The following GRID1 variants were observed in gnomAD, a reference collection of about 807,000 sequenced individuals.
GRID1 encodes glutamate receptor ionotropic, delta-1.
A neutral mutation model predicts 98.0 loss-of-function variants in GRID1; 28 were observed. The observed-to-expected ratio is 0.29, with a 90% CI of 0.21 to 0.39. The LOEUF (loss-of-function observed/expected upper bound fraction) is 0.39. GRID1 is among the 10% of genes least tolerant of loss of function. The pLI, the probability that GRID1 is intolerant of heterozygous loss-of-function variation, is 1.00. For synonymous variants in GRID1, 553 were observed against 538.5 expected (o/e 1.03, Z -0.37); for missense variants, 1,111 against 1,340.5 (o/e 0.83, Z 2.67).
chr10:86,070,730 G>T (rs1179476848), intron 4 of GRID1, among the ~76,000 whole-genome samples: 2 of 152,208 alleles, frequency 1.3e-5, no homozygotes, highest in African/African-American at 4.8e-5. Flanking sequence ...ACTCATCTGT[G>T]TGTTAAGTAG....
intron 4 of GRID1, among the ~76,000 whole-genome samples, chr10:86,017,273 A>G (rs539586488): frequency 9.2e-5 from 14 of 152,344 alleles, no homozygotes; most frequent in African/African-American, 3.4e-4. Context: ...ATCAAGAGAC[A>G]TGTATAACCT....
rs185629524 is a variant in GRID1 at position 86,240,687 on chromosome 10, C to T, written c.236-34039G>A. Among the ~76,000 whole-genome samples the T allele has an allele frequency of 3.9e-5, 6 of 152,268 alleles. No homozygotes were observed. The East Asian group carries it at 5.8e-4, about 15-fold the overall frequency. ...AACTGCTCCCCTATGGAATGTGCTG[C>T]CCAGATAAGGAGTCCAAGCAGCAGC... On this transcript the variant is annotated intron_variant, in intron 2 of 15. Coordinates refer to ENST00000327946, the MANE Select transcript of GRID1 (RefSeq NM_017551.3).
chr10:85,667,527 G>A (rs1841035459), intron 12 of GRID1, among the ~76,000 whole-genome samples: 2 of 152,196 alleles, frequency 1.3e-5, no homozygotes, highest in South Asian at 4.1e-4. Flanking sequence ...TACAGAGGAG[G>A]AATCTGGAGC....
At chr10:86,098,478 T>C (rs185947473) in intron 4 of GRID1, among the ~76,000 whole-genome samples, 3 of 152,328 alleles carry the variant, frequency 2.0e-5, no homozygotes, top group East Asian at 3.9e-4. Flanking sequence ...TTATCACCCA[T>C]TTTTTATTCA....
intron 8 of GRID1, among the ~76,000 whole-genome samples, chr10:85,812,443 T>A (rs1056396522): frequency 6.6e-6 from 1 of 152,114 alleles, no homozygotes; most frequent in Non-Finnish European, 1.5e-5. Context: ...AAAGGTGACA[T>A]ATATGTTGTG....
chr10:85,747,446 C>T (rs992864718), intron 8 of GRID1, among the ~76,000 whole-genome samples: 2 of 152,112 alleles, frequency 1.3e-5, no homozygotes, highest in South Asian at 2.1e-4. Flanking sequence ...TTCCATTCCC[C>T]TTACATCTTA....
rs955221994 is a variant in GRID1, at chr10:86,042,931, A to G, written c.726+95888T>C. On this transcript the variant is annotated intron_variant, in intron 4 of 15. Coordinates refer to ENST00000327946, the MANE Select transcript of GRID1 (RefSeq NM_017551.3). ...TAAGACCCCATCTCTACAAAAAAGT[A>G]AAAATTAGCTGGGCATGGTGGTGTG... 3.9e-5 allele frequency among the ~76,000 whole-genome samples: 6 copies of G among 152,072 alleles called. No homozygotes were observed. The East Asian group carries it at 1.2e-3, about 29-fold the overall frequency.
chr10:86,308,250 G>A (rs1208935686), intron 2 of GRID1, among the ~76,000 whole-genome samples: 4 of 152,206 alleles, frequency 2.6e-5, no homozygotes, highest in Non-Finnish European at 5.9e-5. Flanking sequence ...TGCAAACTGA[G>A]CCCACCTCTG....
At chr10:85,744,468 G>C (rs1456985541) in intron 8 of GRID1, among the ~76,000 whole-genome samples, 2 of 150,452 alleles carry the variant, frequency 1.3e-5, no homozygotes. Context: ...CAAGCAATGG[G>C]GAAAGGATTC....
chr10:86,318,557 G>A (rs1564737498), intron 2 of GRID1, among the ~76,000 whole-genome samples: 2 of 152,206 alleles, frequency 1.3e-5, no homozygotes. Context: ...GGATGCCCCA[G>A]GGCCTGAGGA....
chr10:86,317,213 C>T (rs1847912110), intron 2 of GRID1, among the ~76,000 whole-genome samples: 1 of 152,162 alleles, frequency 6.6e-6, no homozygotes, highest in Non-Finnish European at 1.5e-5. Flanking sequence ...CCCCTTTGTC[C>T]TGACCTCCTC....
At chr10:86,285,090 A>AC (rs1847411606) in intron 2 of GRID1, among the ~76,000 whole-genome samples, 1 of 83,094 alleles carries the variant, frequency 1.2e-5, no homozygotes, top group Non-Finnish European at 2.5e-5. Context: ...CCCCCAACCC[A>AC]CCCCCCATGG....
At chr10:86,358,231 G>A (rs911487089) in intron 2 of GRID1, among the ~76,000 whole-genome samples, 5 of 152,142 alleles carry the variant, frequency 3.3e-5, no homozygotes, top group Non-Finnish European at 7.3e-5. Context: ...CAGGCCCAGC[G>A]AACAAAAGAG....
At chr10:86,337,311 G>C (rs1848236951) in intron 2 of GRID1, among the ~76,000 whole-genome samples, 1 of 152,204 alleles carries the variant, frequency 6.6e-6, no homozygotes, top group African/African-American at 2.4e-5. Context: ...GCCTGGGAGA[G>C]TGGCTGTGCC....
intron 4 of GRID1, among the ~76,000 whole-genome samples, chr10:86,009,181 T>C (rs926176033): frequency 1.9e-4 from 29 of 152,176 alleles, no homozygotes; most frequent in African/African-American, 7.0e-4. Flanking sequence ...GACACCCATT[T>C]CCCTGGTCAG....
At position 86,152,720 on chromosome 10, in the gene GRID1, GA is replaced by G. The variant is rs561642590; in HGVS notation, c.521-13697del. 1.5e-3 allele frequency among the ~76,000 whole-genome samples: 235 copies of G among 152,306 alleles called. 1 individual carries two copies. Among genetic ancestry groups the G allele is most frequent in the African/African-American group, 5.5e-3 (228 of 41,562 alleles). On this transcript the variant is annotated intron_variant, in intron 3 of 15. Coordinates refer to ENST00000327946, the MANE Select transcript of GRID1 (RefSeq NM_017551.3). ...GGCTGTCTAGGGGTAGGACCACTGT[GA>G]GGGGCACACAGAAGGACAGACATGA...
intron 12 of GRID1, among the ~76,000 whole-genome samples, chr10:85,694,338 T>G (rs1841365053): frequency 6.6e-6 from 1 of 151,868 alleles, no homozygotes; most frequent in African/African-American, 2.4e-5. Context: ...GTAAATTAAT[T>G]AGTACAACAT....
intron 5 of GRID1, among the ~76,000 whole-genome samples, chr10:85,915,061 G>A (rs896687986): frequency 9.9e-5 from 15 of 152,266 alleles, no homozygotes; most frequent in Admixed American, 9.8e-4. Flanking sequence ...ATGAAAAGCA[G>A]GCCAGGCCAC....
At chr10:85,927,510 T>TAA (rs60653864) in intron 4 of GRID1, among the ~76,000 whole-genome samples, 28,014 of 146,228 alleles carry the variant, frequency 0.19, 2,814 homozygotes, top group African/African-American at 0.24. Flanking sequence ...AAGTTTCTTG[T>TAA]AAAAAAAAAA....
Sources: allele counts gnomAD v4.1 joint callset (sites outside exome capture counted in the v4.1 genomes callset), GRCh38; gene constraint gnomAD v4.1.1; transcripts MANE v1.5; gene names NCBI Gene and HGNC (gene_info 2026-07-23, HGNC 2026-07-21).